ANKDD1A: variants seen among roughly 807,000 people sequenced by gnomAD.
ANKDD1A encodes ankyrin repeat and death domain containing 1A.
ANKDD1A carries 59 observed loss-of-function variants against 63.5 expected under a neutral mutation model. The observed-to-expected ratio is 0.93, with a 90% confidence interval of 0.75 to 1.15. The LOEUF (loss-of-function observed/expected upper bound fraction) is 1.15, where lower values mean the gene tolerates loss of function less well. ANKDD1A is among the 50% of genes most tolerant of loss of function. ANKDD1A has a pLI of 0.00. For missense variants in ANKDD1A, 632 were observed against 656.4 expected (o/e 0.96, Z 0.41); for synonymous variants, 266 against 263.9 (o/e 1.01, Z -0.08).
chr15:64,953,376 TTCCTTTCTTCTTCTTAGTTC>T lies in ANKDD1A; in HGVS notation c.1483+3411_1483+3430del, dbSNP rs1375916641. On this transcript the variant is annotated intron_variant, in intron 14 of 14. Transcript: ENST00000319580. ...TTAGTTCTTCTTTCTTCTCCTTCTT[TTCCTTTCTTCTTCTTAGTTC>T]TCCTTTTCTTCTCCTCCTCCTCCCT... Among the ~76,000 whole-genome samples, 4 of 62,196 alleles carry T rather than the reference TTCCTTTCTTCTTCTTAGTTC, an allele frequency of 6.4e-5. No homozygotes were observed. The Admixed American group carries it at 7.1e-4, about 11-fold the overall frequency. 40.8% of individuals were successfully genotyped at this position (62,196 alleles called of 152,430 possible). A position where few individuals can be genotyped will look rare whatever the true frequency, so the allele number is the denominator to read the frequency against.
chr15:64,953,538 C>CCTTCTTT (rs1235710203), intron 14 of ANKDD1A, among the ~76,000 whole-genome samples: 67 of 124,694 alleles, frequency 5.4e-4, no homozygotes, highest in African/African-American at 1.6e-3. Context: ...CTTCTCCTCT[C>CCTTCTTT]CTTCTTCCTT....
At chr15:64,947,975 G>A (rs1043826705) in intron 13 of ANKDD1A, among the ~76,000 whole-genome samples, 5 of 152,172 alleles carry the variant, frequency 3.3e-5, no homozygotes, top group African/African-American at 1.2e-4. Context: ...TGTAAATATT[G>A]TAAAGGAAGA....
chr15:64,931,039 C>A, intron 7 of ANKDD1A, 119 bp downstream of exon 7: 1 of 1,024,298 alleles, frequency 9.8e-7, no homozygotes, highest in Non-Finnish European at 1.4e-6. Context: ...TGATCTCGAA[C>A]TGAGAGCCCA....
At chr15:64,956,385 T>C (rs2085417248) in intron 14 of ANKDD1A, among the ~76,000 whole-genome samples, 1 of 151,996 alleles carries the variant, frequency 6.6e-6, no homozygotes, top group Non-Finnish European at 1.5e-5. Flanking sequence ...CTGTCTCTAC[T>C]AAAAATACAA....
chr15:64,938,733 C>T (rs1179181810), intron 9 of ANKDD1A, among the ~76,000 whole-genome samples: 1 of 152,020 alleles, frequency 6.6e-6, no homozygotes, highest in East Asian at 1.9e-4. Context: ...GAGTGGATCA[C>T]TTGAGGTCAG....
intron 1 of ANKDD1A, among the ~76,000 whole-genome samples, 186 bp downstream of exon 1, chr15:64,912,150 C>G (rs1406229316): frequency 6.6e-6 from 1 of 152,100 alleles, no homozygotes; most frequent in East Asian, 1.9e-4. Flanking sequence ...GCCAGTGCGT[C>G]TGGGACTCGG....
intron 9 of ANKDD1A, among the ~76,000 whole-genome samples, chr15:64,938,806 G>T (rs1810109041): frequency 1.3e-5 from 2 of 152,050 alleles, no homozygotes; most frequent in Admixed American, 1.3e-4. Flanking sequence ...TTAGCCGGGT[G>T]TGGTGGTGGG....
At chr15:64,916,749 A>G (rs2084970695) in intron 2 of ANKDD1A, among the ~76,000 whole-genome samples, 1 of 152,256 alleles carries the variant, frequency 6.6e-6, no homozygotes, top group South Asian at 2.1e-4. Context: ...GGCTTGCCTG[A>G]GACCACAGAG....
chr15:64,915,031 G>A lies in ANKDD1A; in HGVS notation c.35-766G>A, dbSNP rs376321269. ...CAAGAGTGATTGGAAGAGGCTGGGC[G>A]CTGTGGCTCACGCCCGTAATCCCAG... On this transcript the variant is annotated intron_variant, in intron 1 of 14. Coordinates refer to ENST00000319580, the MANE Select transcript of ANKDD1A (RefSeq NM_182703.6). 5.9e-5 allele frequency among the ~76,000 whole-genome samples: 9 copies of A among 152,336 alleles called. No individual in the cohort carries two copies. The East Asian group carries it at 9.6e-4, about 16-fold the overall frequency.
At chr15:64,927,149 A>T in intron 6 of ANKDD1A, 150 bp downstream of exon 6, 1 of 820,074 alleles carries the variant, frequency 1.2e-6, no homozygotes, top group South Asian at 1.6e-5. Context: ...GTGTTCATCC[A>T]GCAGGCCCTT....
chr15:64,912,556 C>T (rs1009918914), intron 1 of ANKDD1A, among the ~76,000 whole-genome samples: 2 of 152,196 alleles, frequency 1.3e-5, no homozygotes. Flanking sequence ...AGGAGTGCGC[C>T]CAGTGCCAGG....
intron 6 of ANKDD1A, among the ~76,000 whole-genome samples, chr15:64,929,142 T>A (rs549238944): frequency 1.0e-4 from 16 of 152,382 alleles, no homozygotes; most frequent in African/African-American, 3.1e-4. Flanking sequence ...GAGGGCTTTT[T>A]AAAATTATTT....
chr15:64,956,126 T>C (rs2085414129), intron 14 of ANKDD1A, among the ~76,000 whole-genome samples: 1 of 151,972 alleles, frequency 6.6e-6, no homozygotes, highest in Admixed American at 6.6e-5. Context: ...TACAGGTACA[T>C]TAAACCGAAG....
intron 14 of ANKDD1A, among the ~76,000 whole-genome samples, chr15:64,953,456 T>TCTC (rs1194560386): frequency 1.1e-4 from 2 of 18,568 alleles, no homozygotes; most frequent in Non-Finnish European, 9.9e-4. Flanking sequence ...TTCTTTCTTC[T>TCTC]CTCCTTCTTC....
Position 64,944,723 on chromosome 15 carries a change from TGATCGTTTCTACA to T in ANKDD1A, c.1141_1153del (p.Arg381GlyfsTer130). On this transcript the variant is annotated frameshift_variant, in exon 12 of 15. Coordinates refer to ENST00000319580, the MANE Select transcript of ANKDD1A (RefSeq NM_182703.6). LOFTEE classifies it high-confidence loss of function. ...GCCTGGTGGACATGATCATAAAAGCTGATCGTTTCTACAGATGGGAGAAGGTACGGAGGCCTCA... is the reference window on the plus strand; with the variant it reads ...GCCTGGTGGACATGATCATAAAAGCTGATGGGAGAAGGTACGGAGGCCTCA... 6.2e-7 allele frequency: 1 copy of T among 1,614,128 alleles called. No individual in the cohort carries two copies. The highest frequency in any genetic ancestry group is 8.5e-7 in the Non-Finnish European group (1 of 1,179,984).
chr15:64,921,952 G>A lies in ANKDD1A; in HGVS notation c.299G>A (p.Trp100Ter), dbSNP rs760659314. 23 of 1,614,052 alleles carry A rather than the reference G, an allele frequency of 1.4e-5. No individual in the cohort carries two copies. Among genetic ancestry groups the A allele is most frequent in the Non-Finnish European group, 1.9e-5 (23 of 1,180,036 alleles). The change falls in exon 4 of 15, where the codon TGG becomes TAG. Residue 100 changes from tryptophan (W) to a stop codon, truncating the protein, a stop_gained. Coordinates refer to ENST00000319580, the MANE Select transcript of ANKDD1A (RefSeq NM_182703.6). LOFTEE classifies it high-confidence loss of function. ...FGMNALLLSA[W>*]FGHLRILQIL... The stretch of plus-strand genomic sequence containing the variant: ...ATGAATGCGCTTCTCCTGTCTGCCT[G>A]GTTCGGCCACTTACGAATCCTCCAG...
In ANKDD1A at chr15:64,955,437, C is replaced by T. The variant is rs2085408853; in HGVS notation, c.1484-1666C>T. ...ATTTCTCATTATTTGAAATTGCAGG[C>T]ACCCATAGCAAGTGGCATCCATGGT... On this transcript the variant is annotated intron_variant, in intron 14 of 14. Transcript: ENST00000319580. 1.3e-5 allele frequency among the ~76,000 whole-genome samples: 2 copies of T among 152,164 alleles called. 1 individual carries two copies. Among genetic ancestry groups the T allele is most frequent in the Admixed American group, 1.3e-4 (2 of 15,272 alleles).
chr15:64,926,515 C>G (rs1595848762), intron 5 of ANKDD1A, among the ~76,000 whole-genome samples: 1 of 151,928 alleles, frequency 6.6e-6, no homozygotes, highest in Non-Finnish European at 1.5e-5. Context: ...AATGGAAGAG[C>G]GAGGCTTGTG....
chr15:64,949,807 T>TCTCCCTCTCTCTCTC (rs1566914828), intron 13 of ANKDD1A, 34 bp from the exon 14 acceptor site: 1 of 1,594,434 alleles, frequency 6.3e-7, no homozygotes, highest in Admixed American at 1.7e-5. Context: ...ATTGGCTCCT[T>TCTCCCTCTCTCTCTC]CTCCCTCTCT....
Sources: allele counts gnomAD v4.1 joint callset (sites outside exome capture counted in the v4.1 genomes callset), GRCh38; gene constraint gnomAD v4.1.1; transcripts MANE v1.5; gene names NCBI Gene and HGNC (gene_info 2026-07-23, HGNC 2026-07-21).